APBB1: variants seen among roughly 807,000 people sequenced by gnomAD.
APBB1 encodes the protein amyloid beta precursor protein binding family B member 1.
In APBB1, 22 loss-of-function variants were observed where a neutral mutation model predicts 78.4. That is an observed-to-expected ratio of 0.28 (90% confidence interval 0.20 to 0.40). APBB1 has a LOEUF of 0.40. Ranked by LOEUF, APBB1 falls within the 10% of genes least tolerant of loss-of-function variation. The probability of loss-of-function intolerance (pLI) is 1.00; values close to 1 mark genes in which losing one functional copy is unlikely to be tolerated. For missense variants in APBB1, 749 were observed against 932.4 expected (o/e 0.80, Z 2.56); for synonymous variants, 369 against 372.7 (o/e 0.99, Z 0.12).
At chr11:6,405,193 C>T (rs1191416359) in intron 2 of APBB1, 3 of 1,115,116 alleles carry the variant, frequency 2.7e-6, no homozygotes, top group Non-Finnish European at 3.3e-6. Flanking sequence ...CTAAGGAATA[C>T]CCCAGCTGCC....
rs1392502185 is a variant in APBB1 at position 6,401,581 on chromosome 11, C to A, written c.1496G>T (p.Cys499Phe). ...GAGTGGAGGGGGCCGTGCCTTAGAGCAGATCTCATGCAGGCTGGTGGCGAT... is the reference window on the plus strand; with the variant it reads ...GAGTGGAGGGGGCCGTGCCTTAGAGAAGATCTCATGCAGGCTGGTGGCGAT... ...KNIATSLHEI[C>F]SKIMAERRNA... is the part of the protein sequence containing the mutation. Residue 499 changes from cysteine (C) to phenylalanine (F), a missense_variant, in exon 10 of 15, where the codon TGC (cysteine) becomes TTC (phenylalanine). Transcript: ENST00000609360. This position sits in a 1 kb window ranked among gnomAD's most constrained non-coding sequence, Gnocchi z 4.5. The A allele has an allele frequency of 6.2e-7, 1 of 1,614,040 alleles. No individual in the cohort carries two copies. Among genetic ancestry groups the A allele is most frequent in the Non-Finnish European group, 8.5e-7 (1 of 1,180,038 alleles).
intron 2 of APBB1, among the ~76,000 whole-genome samples, chr11:6,408,135 A>C (rs1351891197): frequency 6.6e-6 from 1 of 152,258 alleles, no homozygotes; most frequent in African/African-American, 2.4e-5. Context: ...AAACACAAAA[A>C]TGCTCAAATC....
rs909610450 is a variant in APBB1, at chr11:6,403,229, T to G, written c.1041-21A>C. ...CTGGGCTGAAGGCAGATGGTAATAC[T>G]TGGCACAGGGCTCCCATAAATGGAG... On this transcript the variant is annotated intron_variant, in intron 5 of 14. Transcript: ENST00000609360. The surrounding 1 kb of genome is among the most constrained non-coding windows in gnomAD (Gnocchi z 5.3). The G allele has an allele frequency of 6.2e-7, 1 of 1,612,302 alleles. No homozygotes were observed. Among genetic ancestry groups the G allele is most frequent in the Non-Finnish European group, 8.5e-7 (1 of 1,179,176 alleles).
In APBB1 at chr11:6,411,593, C is replaced by T. The variant is rs1564946520; in HGVS notation, c.-14-232G>A. 2.0e-5 allele frequency among the ~76,000 whole-genome samples: 3 copies of T among 152,038 alleles called. No individual in the cohort carries two copies. In the South Asian group the frequency reaches 6.2e-4, roughly 31 times the overall value. On this transcript the variant is annotated intron_variant, in intron 1 of 14. Transcript: ENST00000609360. The surrounding 1 kb of genome is among the most constrained non-coding windows in gnomAD (Gnocchi z 5.2). The stretch of plus-strand genomic sequence containing the variant: ...GCCCACCCCATCCCTATATCCCCTG[C>T]CCTGAGCTTTCTGGGATGGCACAGC...
At chr11:6,414,580 G>A (rs1284336118) in intron 1 of APBB1, among the ~76,000 whole-genome samples, 1 of 152,190 alleles carries the variant, frequency 6.6e-6, no homozygotes, top group East Asian at 1.9e-4. Flanking sequence ...AGGCTGTGTG[G>A]CCCAATGGGC....
At chr11:6,402,403 T>C (rs773309954) in intron 7 of APBB1, 173 bp downstream of exon 7, 3 of 1,075,108 alleles carry the variant, frequency 2.8e-6, no homozygotes, top group Non-Finnish European at 4.0e-6. Context: ...GTTAGGCGAC[T>C]ATCTCCCAAG....
chr11:6,402,486 C>T (rs1848575102), intron 7 of APBB1, 90 bp downstream of exon 7: 1 of 1,415,466 alleles, frequency 7.1e-7, no homozygotes, highest in Middle Eastern at 2.3e-4. Context: ...CCTTCCCCAG[C>T]CTGCTTGTGG....
chr11:6,395,609 C>T lies in APBB1; in HGVS notation c.2058G>A (p.Gly686=), dbSNP rs754388661. 2 of 1,597,840 alleles carry T rather than the reference C, an allele frequency of 1.3e-6. No homozygotes were observed. The highest frequency in any genetic ancestry group is 1.3e-5 in the African/African-American group (1 of 74,518). The change falls in exon 15 of 15, where the codon GGG becomes GGA. Residue 686 remains glycine, a synonymous_variant. Transcript: ENST00000609360. The surrounding 1 kb of genome is among the most constrained non-coding windows in gnomAD (Gnocchi z 5.2). The part of the protein sequence containing the change: ...PPAESVARRV[G]WTVRRGVQSL... Reference sequence around the variant, plus strand: ...ACTGAACACCCCTGCGGACAGTCCACCCTACACGCCGTGCCACAGACTCAG... The same window carrying T: ...ACTGAACACCCCTGCGGACAGTCCATCCTACACGCCGTGCCACAGACTCAG...
At position 6,401,664 on chromosome 11, in the gene APBB1, A is replaced by G. The variant is rs1048530009; in HGVS notation, c.1413T>C (p.Asp471=). Residue 471 remains aspartate (D), a synonymous_variant, in exon 10 of 15, where the codon GAT becomes GAC. Transcript: ENST00000609360. The surrounding 1 kb of genome is among the most constrained non-coding windows in gnomAD (Gnocchi z 4.5). The stretch of plus-strand genomic sequence containing the variant: ...GGCACTTGAGCATCTGGGTCAGCTT[A>G]TCACGAGCTACGTAGGCAAAGTCCC... ...RERDFAYVAR[D]KLTQMLKCHV... 1 of 1,614,182 alleles carries G rather than the reference A, an allele frequency of 6.2e-7. No homozygotes were observed.
At chr11:6,402,396 A>G in intron 7 of APBB1, 180 bp downstream of exon 7, 1 of 1,104,144 alleles carries the variant, frequency 9.1e-7, no homozygotes, top group Non-Finnish European at 1.3e-6. Flanking sequence ...CACCGTTGTT[A>G]GGCGACTATC....
At chr11:6,418,925 C>G (rs897170542) in intron 1 of APBB1, 60 bp downstream of exon 1, 6 of 379,988 alleles carry the variant, frequency 1.6e-5, no homozygotes, top group Non-Finnish European at 9.3e-6. Context: ...CAGGGTCCGC[C>G]GGCCGCTGGT....
chr11:6,399,368 C>G (rs1258487870), intron 12 of APBB1, among the ~76,000 whole-genome samples: 1 of 152,210 alleles, frequency 6.6e-6, no homozygotes, highest in Non-Finnish European at 1.5e-5. Context: ...CTCACAATCT[C>G]TACGCTCAAA....
rs1438791327 is a variant in APBB1, at chr11:6,402,703, C to G, written c.1127G>C (p.Gly376Ala). ...GIKCFAVRSL[G>A]WVEMTEEELA... ...CTCCTCCTCGGTCATCTCTACCCAG[C>G]CTAGGGAGCGCACGGCGAAACACTG... The change falls in exon 7 of 15, where the codon GGC (glycine) becomes GCC (alanine). Residue 376 changes from glycine (G) to alanine (A), a missense_variant. This residue lies in a region of APBB1 where 635 missense variants were observed against 765.0 expected (regional missense o/e 0.83). Coordinates refer to ENST00000609360, the MANE Select transcript of APBB1 (RefSeq NM_001164.5). The G allele has an allele frequency of 3.1e-6, 5 of 1,614,160 alleles. No individual in the cohort carries two copies.
chr11:6,403,230 T>G lies in APBB1; in HGVS notation c.1041-22A>C. 1 of 1,612,212 alleles carries G rather than the reference T, an allele frequency of 6.2e-7. No individual in the cohort carries two copies. Among genetic ancestry groups the G allele is most frequent in the Non-Finnish European group, 8.5e-7 (1 of 1,179,160 alleles). On this transcript the variant is annotated intron_variant, in intron 5 of 14. Transcript: ENST00000609360. This position sits in a 1 kb window ranked among gnomAD's most constrained non-coding sequence, Gnocchi z 5.3. Reference sequence around the variant, plus strand: ...TGGGCTGAAGGCAGATGGTAATACTTGGCACAGGGCTCCCATAAATGGAGC... The same window carrying G: ...TGGGCTGAAGGCAGATGGTAATACTGGGCACAGGGCTCCCATAAATGGAGC...
In APBB1 at chr11:6,395,731, C is replaced by T; in HGVS notation, c.1966-30G>A. Reference sequence around the variant, plus strand: ...GGAGGCAAGCAGGGCAGTCACTCCCCAGCCTACCTCCCATGGGGCCACGCC... The same window carrying T: ...GGAGGCAAGCAGGGCAGTCACTCCCTAGCCTACCTCCCATGGGGCCACGCC... On this transcript the variant is annotated intron_variant, in intron 14 of 14. Coordinates refer to ENST00000609360, the MANE Select transcript of APBB1 (RefSeq NM_001164.5). This position sits in a 1 kb window ranked among gnomAD's most constrained non-coding sequence, Gnocchi z 5.2. 1 of 1,598,816 alleles carries T rather than the reference C, an allele frequency of 6.3e-7. No homozygotes were observed. The highest frequency in any genetic ancestry group is 8.5e-7 in the Non-Finnish European group (1 of 1,170,722).
Position 6,410,678 on chromosome 11 carries a change from A to C in APBB1, c.670T>G (p.Trp224Gly). 9.9e-6 allele frequency: 15 copies of C among 1,521,872 alleles called. No homozygotes were observed. The highest frequency in any genetic ancestry group is 1.3e-5 in the Non-Finnish European group (15 of 1,135,368). The allele number at this position is 1,521,872 out of a possible 1,614,324, so 94.3% of individuals were successfully genotyped here. A position where few individuals can be genotyped will look rare whatever the true frequency, so the allele number is the denominator to read the frequency against. Residue 224 changes from tryptophan (W) to glycine (G), a missense_variant, in exon 2 of 15, where the codon TGG (tryptophan) becomes GGG (glycine). By Grantham distance (184) the Trp-to-Gly change is radical. This residue lies in a region of APBB1 where 635 missense variants were observed against 765.0 expected (regional missense o/e 0.83). Coordinates refer to ENST00000609360, the MANE Select transcript of APBB1 (RefSeq NM_001164.5). ...GGGCTGCCCTGGGATAAGGTAGCCC[A>C]GCTTGAGTCCTCATCACTGGCTGCA... ...NSAASDEDSS[W>G]ATLSQGSPSY...
At position 6,395,863 on chromosome 11, in the gene APBB1, C is replaced by T. The variant is rs1385562054; in HGVS notation, c.1888G>A (p.Ala630Thr). The T allele has an allele frequency of 6.2e-7, 1 of 1,614,006 alleles. No homozygotes were observed. The highest frequency in any genetic ancestry group is 1.3e-5 in the African/African-American group (1 of 74,914). Residue 630 changes from alanine to threonine, a missense_variant, in exon 14 of 15, where the codon GCC (alanine) becomes ACC (threonine). Coordinates refer to ENST00000609360, the MANE Select transcript of APBB1 (RefSeq NM_001164.5). The surrounding 1 kb of genome is among the most constrained non-coding windows in gnomAD (Gnocchi z 5.2). ...TFAFIMAAGP[A>T]SFCCHMFWCE... ...CAGAACATGTGGCAGCAGAAGGAGGCTGGGCCGGCAGCCATGATGAATGCA... is the reference window on the plus strand; with the variant it reads ...CAGAACATGTGGCAGCAGAAGGAGGTTGGGCCGGCAGCCATGATGAATGCA...
chr11:6,417,962 G>C (rs952685258), intron 1 of APBB1, among the ~76,000 whole-genome samples: 1 of 152,216 alleles, frequency 6.6e-6, no homozygotes, highest in South Asian at 2.1e-4. Context: ...GGACATATGA[G>C]TCTGGATTTC....
In APBB1 at chr11:6,403,590, C is replaced by T. The variant is rs1848647773; in HGVS notation, c.898-46G>A. On this transcript the variant is annotated intron_variant, in intron 3 of 14. Transcript: ENST00000609360. The surrounding 1 kb of genome is among the most constrained non-coding windows in gnomAD (Gnocchi z 5.3). ...AGTGAGTGAGTGTCCTATCCTACTC[C>T]AGCAGCACACACTCCCTCCACCCCT... The T allele has an allele frequency of 5.6e-6, 9 of 1,613,804 alleles. No individual in the cohort carries two copies. The highest frequency in any genetic ancestry group is 7.6e-6 in the Non-Finnish European group (9 of 1,179,700).
Sources: gnomAD v4.1 joint callset for allele counts (sites outside exome capture counted in the v4.1 genomes callset) on GRCh38, gnomAD v4.1.1 for gene constraint, gnomAD v4.1.1 regional missense constraint, Gnocchi (gnomAD v3.1) non-coding constraint, MANE v1.5 for transcripts, NCBI Gene and HGNC (gene_info 2026-07-23, HGNC 2026-07-21) for gene names.